CDH23: variants seen among roughly 807,000 people sequenced by gnomAD.
CDH23 encodes the protein cadherin-23.
Under a neutral mutation model 317.1 loss-of-function variants are expected in CDH23, and 189 were observed. The ratio of observed to expected loss-of-function variants is 0.60; its 90% CI spans 0.53 to 0.67. The LOEUF is 0.67. Ranked by LOEUF, CDH23 falls within the 30% of genes least tolerant of loss-of-function variation. The pLI, the probability that CDH23 is intolerant of heterozygous loss-of-function variation, is 0.00. For synonymous variants in CDH23, 1,839 were observed against 1,876.8 expected (o/e 0.98, Z 0.52); for missense variants, 4,401 against 4,592.4 (o/e 0.96, Z 1.20).
intron 9 of CDH23, among the ~76,000 whole-genome samples, chr10:71,614,858 G>A (rs1382673567): frequency 6.6e-6 from 1 of 152,154 alleles, no homozygotes; most frequent in Non-Finnish European, 1.5e-5. Context: ...GGAGAGGGGT[G>A]GGTTTACAGA....
chr10:71,442,995 C>T (rs1849967510), intron 2 of CDH23, among the ~76,000 whole-genome samples: 1 of 152,188 alleles, frequency 6.6e-6, no homozygotes, highest in African/African-American at 2.4e-5. Context: ...CTAAGCTCCC[C>T]AGCAGCAGTG....
chr10:71,612,815 A>G (rs1188766457), intron 9 of CDH23, among the ~76,000 whole-genome samples: 1 of 152,148 alleles, frequency 6.6e-6, no homozygotes, highest in Non-Finnish European at 1.5e-5. Context: ...AGCACTGATC[A>G]CCCTGTACGT....
chr10:71,755,804 G>A (rs935888597), intron 38 of CDH23, among the ~76,000 whole-genome samples: 2 of 152,176 alleles, frequency 1.3e-5, no homozygotes, highest in African/African-American at 4.8e-5. Context: ...TCTCTGAAAA[G>A]GGAGAGCAGG....
At chr10:71,546,328 G>C (rs1856279701) in intron 6 of CDH23, among the ~76,000 whole-genome samples, 1 of 152,202 alleles carries the variant, frequency 6.6e-6, no homozygotes, top group Non-Finnish European at 1.5e-5. Context: ...GCGGAAAAAT[G>C]GATTTTGAGT....
intron 38 of CDH23, among the ~76,000 whole-genome samples, chr10:71,774,582 G>A (rs375675887): frequency 3.1e-4 from 47 of 152,338 alleles, no homozygotes; most frequent in South Asian, 8.3e-4. Flanking sequence ...AAAGCTGGGC[G>A]TGGAGAAGGT....
chr10:71,604,966 G>C (rs1860443459), intron 9 of CDH23, among the ~76,000 whole-genome samples: 1 of 152,212 alleles, frequency 6.6e-6, no homozygotes, highest in South Asian at 2.1e-4. Flanking sequence ...GTGAATTGTT[G>C]TTAGTAATTG....
At chr10:71,551,013 A>AAG (rs1856565115) in intron 6 of CDH23, among the ~76,000 whole-genome samples, 1 of 152,236 alleles carries the variant, frequency 6.6e-6, no homozygotes, top group South Asian at 2.1e-4. Flanking sequence ...AAGCTACAGT[A>AAG]CAAACGAGCG....
chr10:71,538,438 CTG>C (rs112927889), intron 6 of CDH23, among the ~76,000 whole-genome samples: 6,111 of 152,226 alleles, frequency 0.04, 261 homozygotes, highest in African/African-American at 0.11. Flanking sequence ...TTTGGGAAAA[CTG>C]AGGCCCAGAC....
chr10:71,449,880 A>G (rs1418005840), intron 3 of CDH23, among the ~76,000 whole-genome samples: 2 of 152,192 alleles, frequency 1.3e-5, no homozygotes, highest in African/African-American at 2.4e-5. Flanking sequence ...GTTCATTACT[A>G]TCTCCTCACC....
chr10:71,813,750 T>C (rs370200556), intron 69 of CDH23, among the ~76,000 whole-genome samples: 21 of 151,844 alleles, frequency 1.4e-4, no homozygotes, highest in East Asian at 1.2e-3. Flanking sequence ...GTACTAAAAA[T>C]ACAAAAAATT....
At chr10:71,752,916 ATC>A in intron 38 of CDH23, 6 of 1,589,640 alleles carry the variant, frequency 3.8e-6, no homozygotes, top group Non-Finnish European at 5.2e-6. Flanking sequence ...GCACAGAAGT[ATC>A]TCTTCCTGGA....
chr10:71,806,223 C>T lies in CDH23; in HGVS notation c.8120C>T (p.Pro2707Leu), dbSNP rs373230009. 6.1e-4 allele frequency: 971 copies of T among 1,579,510 alleles called. 12 individuals carry two copies. In the South Asian group the frequency reaches 9.2e-3, roughly 15 times the overall value. ...CCAGTGCCATACGAGACTATGCAGCCGCTGCAGGTGGCCCTGGAGGACATC... is the reference window on the plus strand; with the variant it reads ...CCAGTGCCATACGAGACTATGCAGCTGCTGCAGGTGGCCCTGGAGGACATC... ...GQPVPYETMQ[P>L]LQVALEDIDD... The change falls in exon 57 of 70, where the codon CCG (proline) becomes CTG (leucine). Residue 2707 changes from proline (P) to leucine (L), a missense_variant. Physicochemically the swap from Pro to Leu is moderately conservative, Grantham distance 98. Transcript: ENST00000224721.
At chr10:71,417,109 T>C (rs964430996) in intron 1 of CDH23, among the ~76,000 whole-genome samples, 6 of 151,538 alleles carry the variant, frequency 4.0e-5, no homozygotes, top group African/African-American at 1.2e-4. Flanking sequence ...GGAGTCTGGC[T>C]CTGTCACCCA....
chr10:71,452,624 A>C (rs1035801698), intron 3 of CDH23, among the ~76,000 whole-genome samples: 1 of 152,078 alleles, frequency 6.6e-6, no homozygotes, highest in Non-Finnish European at 1.5e-5. Context: ...CTTTGTCTGC[A>C]TCTGTGAAAG....
intron 9 of CDH23, among the ~76,000 whole-genome samples, chr10:71,585,647 C>A (rs1289417343): frequency 6.6e-6 from 1 of 152,218 alleles, no homozygotes; most frequent in Admixed American, 6.5e-5. Context: ...ATCACACCAA[C>A]ACTCACTTTC....
At chr10:71,500,759 GTTTTC>G (rs56124966) in intron 3 of CDH23, among the ~76,000 whole-genome samples, 45,053 of 134,162 alleles carry the variant, frequency 0.34, 7,988 homozygotes, top group Middle Eastern at 0.44. Context: ...CTCTGAGCCT[GTTTTC>G]TTTTCTTTTC....
intron 28 of CDH23, chr10:71,713,066 C>T (rs1286755074): frequency 1.3e-6 from 1 of 743,800 alleles, no homozygotes; most frequent in East Asian, 2.6e-5. Flanking sequence ...ACTTGGCCTC[C>T]CCCTGCATAT....
At chr10:71,646,829 C>T in intron 14 of CDH23, 1 of 1,490,022 alleles carries the variant, frequency 6.7e-7, no homozygotes, top group Non-Finnish European at 8.9e-7. Flanking sequence ...AAGGAGCCAA[C>T]CTGAGGGGTG....
chr10:71,740,714 T>C, intron 36 of CDH23, 108 bp from the exon 37 acceptor site: 3 of 1,486,626 alleles, frequency 2.0e-6, no homozygotes, highest in Non-Finnish European at 1.8e-6. Context: ...GTGAGTCTCT[T>C]TGCCCTCCCA....
Sources: allele counts gnomAD v4.1 joint callset (sites outside exome capture counted in the v4.1 genomes callset), GRCh38; gene constraint gnomAD v4.1.1; transcripts MANE v1.5; gene names NCBI Gene and HGNC (gene_info 2026-07-23, HGNC 2026-07-21).